The following MICAL3 variants were observed in gnomAD, a reference collection of about 807,000 sequenced individuals.
The protein encoded by MICAL3 is microtubule associated monooxygenase, calponin and LIM domain containing 3, also known as [F-actin]-monooxygenase MICAL3.
A neutral mutation model predicts 207.4 loss-of-function variants in MICAL3; 62 were observed. That is an observed-to-expected ratio of 0.30 (90% CI 0.24 to 0.37). MICAL3 has a LOEUF of 0.37. Ranked by LOEUF, MICAL3 falls within the 10% of genes least tolerant of loss-of-function variation. The pLI is 1.00. For synonymous variants in MICAL3, 1,077 were observed against 1,069.3 expected (o/e 1.01, Z -0.14); for missense variants, 2,368 against 2,635.6 (o/e 0.90, Z 2.22).
At chr22:17,974,818 A>G (rs1351042774) in intron 1 of MICAL3, among the ~76,000 whole-genome samples, 1 of 151,850 alleles carries the variant, frequency 6.6e-6, no homozygotes, top group Non-Finnish European at 1.5e-5. Context: ...CTGTGTGATG[A>G]GCACTACTGT....
Position 17,831,837 on chromosome 22 carries a change from A to G in MICAL3, c.3055+17T>C. The stretch of plus-strand genomic sequence containing the variant: ...TGGGGGGCAGGGCAGAGTTCGGAGC[A>G]GAGATTTTGTTCTGACCTTCACTGG... On this transcript the variant is annotated intron_variant, in intron 21 of 31. Transcript: ENST00000441493. 1.9e-6 allele frequency: 3 copies of G among 1,548,946 alleles called. No homozygotes were observed. Among genetic ancestry groups the G allele is most frequent in the Non-Finnish European group, 2.6e-6 (3 of 1,145,828 alleles).
intron 1 of MICAL3, among the ~76,000 whole-genome samples, chr22:17,989,053 A>G (rs185365017): frequency 3.5e-4 from 54 of 152,266 alleles, no homozygotes; most frequent in African/African-American, 1.1e-3. Context: ...TCCCGCCTCC[A>G]CAAGATTAAC....
chr22:17,938,597 A>C (rs549257619), intron 1 of MICAL3, among the ~76,000 whole-genome samples: 2 of 152,348 alleles, frequency 1.3e-5, no homozygotes, highest in East Asian at 1.9e-4. Flanking sequence ...ACCAAGCACA[A>C]TTCTGGACAA....
intron 1 of MICAL3, among the ~76,000 whole-genome samples, chr22:17,926,077 G>T (rs1325557695): frequency 6.6e-6 from 1 of 152,150 alleles, no homozygotes; most frequent in Non-Finnish European, 1.5e-5. Flanking sequence ...CTTTCATCTT[G>T]ACCTTGATGC....
chr22:17,884,186 A>G, intron 16 of MICAL3: 1 of 782,750 alleles, frequency 1.3e-6, no homozygotes, highest in Non-Finnish European at 2.0e-6. Context: ...AGGATTCCAG[A>G]GCACAGGCCT....
intron 1 of MICAL3, among the ~76,000 whole-genome samples, chr22:17,999,803 C>A (rs1364213514): frequency 6.6e-6 from 1 of 152,240 alleles, no homozygotes; most frequent in African/African-American, 2.4e-5. Context: ...CAAACCATGT[C>A]TTTCCTATAA....
Position 17,886,035 on chromosome 22 carries a change from C to G in MICAL3, c.2084G>C (p.Gly695Ala). 1 of 1,613,960 alleles carries G rather than the reference C, an allele frequency of 6.2e-7. No individual in the cohort carries two copies. The highest frequency in any genetic ancestry group is 8.5e-7 in the Non-Finnish European group (1 of 1,179,890). The change falls in exon 16 of 32, where the codon GGC becomes GCC. Residue 695 changes from glycine (G) to alanine (A), a missense_variant. Around this residue, in one of 4 missense-constraint regions of MICAL3, gnomAD observed 1,770 missense variants for 1,863.2 expected, o/e 0.95. Transcript: ENST00000441493. The part of the protein sequence containing the change: ...SQSEEEEAPR[G>A]HRGERPTLVS... The stretch of plus-strand genomic sequence containing the variant: ...CAGGGTCGGTCTTTCTCCTCTGTGG[C>G]CCCGAGGAGCTTCCTCCTGGTCAAT...
At chr22:17,831,190 C>G (rs1446295356) in intron 21 of MICAL3, among the ~76,000 whole-genome samples, 2 of 152,216 alleles carry the variant, frequency 1.3e-5, no homozygotes, top group Non-Finnish European at 1.5e-5. Context: ...CACCACCCCC[C>G]AGACTTCTGC....
chr22:17,906,316 T>C (rs2075446), intron 2 of MICAL3, among the ~76,000 whole-genome samples: 86,313 of 152,082 alleles, frequency 0.57, 25,473 homozygotes, highest in African/African-American at 0.73. Flanking sequence ...GCCTGATTTC[T>C]TATGCTAGGT....
chr22:18,004,651 T>A (rs1923264828), intron 1 of MICAL3: 1 of 152,318 alleles, frequency 6.6e-6, no homozygotes, highest in Non-Finnish European at 1.5e-5. Context: ...GCTCACTATG[T>A]GCTAGGTACT....
intron 19 of MICAL3, chr22:17,861,325 A>G: frequency 1.0e-6 from 1 of 985,450 alleles, no homozygotes. Flanking sequence ...GGGTCAGGCA[A>G]CTGCCACTTG....
intron 11 of MICAL3, among the ~76,000 whole-genome samples, chr22:17,893,380 C>T (rs988885592): frequency 6.6e-6 from 1 of 152,162 alleles, no homozygotes; most frequent in African/African-American, 2.4e-5. Flanking sequence ...GTGGTCCTCA[C>T]CTGTCACTGA....
At chr22:17,968,225 C>G (rs1935240102) in intron 1 of MICAL3, among the ~76,000 whole-genome samples, 1 of 152,060 alleles carries the variant, frequency 6.6e-6, no homozygotes. Flanking sequence ...TTCACATGAG[C>G]AAAGGGGGAA....
chr22:17,844,991 C>T (rs1176667749), intron 19 of MICAL3, among the ~76,000 whole-genome samples: 4 of 152,134 alleles, frequency 2.6e-5, no homozygotes, highest in Non-Finnish European at 4.4e-5. Flanking sequence ...AAATCCATGG[C>T]GGCCACCCCA....
rs74389092 is a variant in MICAL3, at chr22:17,985,786, C to T, written c.-75+38495G>A. ...GAGATCAGAGTCTGCAGAGGCCACT[C>T]GCATCTTCACCCTCCTTTAGGACCC... On this transcript the variant is annotated intron_variant, in intron 1 of 31. Transcript: ENST00000441493. Among the ~76,000 whole-genome samples, 90 of 152,236 alleles carry T rather than the reference C, an allele frequency of 5.9e-4. 1 individual carries two copies. Among genetic ancestry groups the T allele is most frequent in the African/African-American group, 2.1e-3 (87 of 41,552 alleles).
intron 1 of MICAL3, among the ~76,000 whole-genome samples, chr22:17,954,831 C>T (rs1934534303): frequency 1.3e-5 from 2 of 151,894 alleles, no homozygotes; most frequent in African/African-American, 4.8e-5. Context: ...ACAGCAACCT[C>T]GCCCTCCCGG....
chr22:17,958,697 GT>G (rs1380547196), intron 1 of MICAL3, among the ~76,000 whole-genome samples: 1 of 140,114 alleles, frequency 7.1e-6, no homozygotes, highest in Non-Finnish European at 1.5e-5. Context: ...GAGTTGTTGG[GT>G]TTTTTTATTT....
chr22:17,920,229 CG>C, intron 1 of MICAL3, among the ~76,000 whole-genome samples: 2 of 152,318 alleles, frequency 1.3e-5, no homozygotes, highest in South Asian at 4.1e-4. Context: ...TGCAAGTCCC[CG>C]CAGTGAGGAC....
intron 1 of MICAL3, among the ~76,000 whole-genome samples, chr22:17,999,256 G>C (rs1377096378): frequency 6.6e-6 from 1 of 152,198 alleles, no homozygotes; most frequent in South Asian, 2.1e-4. Flanking sequence ...CACTCTTCCA[G>C]GGCATGTGCC....
Sources: gnomAD v4.1 joint callset for allele counts (sites outside exome capture counted in the v4.1 genomes callset) on GRCh38, gnomAD v4.1.1 for gene constraint, gnomAD v4.1.1 regional missense constraint, MANE v1.5 for transcripts, NCBI Gene and HGNC (gene_info 2026-07-23, HGNC 2026-07-21) for gene names.